SESN3: variants seen among roughly 807,000 people sequenced by gnomAD.
SESN3 encodes the protein sestrin 3.
Under a neutral mutation model 55.3 loss-of-function variants are expected in SESN3, and 21 were observed. The ratio of observed to expected loss-of-function variants is 0.38; its 90% CI spans 0.27 to 0.55. The LOEUF is 0.55. Ranked by LOEUF, SESN3 falls within the 20% of genes least tolerant of loss-of-function variation. The pLI is 0.76. For missense variants in SESN3, 408 were observed against 604.3 expected (o/e 0.68, Z 3.41); for synonymous variants, 181 against 203.1 (o/e 0.89, Z 0.93).
chr11:95,184,333 AT>A, intron 6 of SESN3, 86 bp downstream of exon 6: 4 of 1,078,344 alleles, frequency 3.7e-6, no homozygotes, highest in Non-Finnish European at 2.8e-6. Context: ...TAGCAGAATC[AT>A]TTTTACATAT....
upstream of SESN3, chr11:95,231,693 C>T (rs996809080): frequency 6.6e-6 from 1 of 152,254 alleles, no homozygotes; most frequent in African/African-American, 2.4e-5. Flanking sequence ...AATGTTCCTT[C>T]CTTCAGGGCA....
At chr11:95,193,322 A>G in intron 2 of SESN3, 135 bp downstream of exon 2, 1 of 621,826 alleles carries the variant, frequency 1.6e-6, no homozygotes, top group East Asian at 2.9e-5. Flanking sequence ...AAATATCTCC[A>G]TGGTTTTCTG....
chr11:95,225,612 C>G (rs1270819041), intron 1 of SESN3, among the ~76,000 whole-genome samples: 1 of 152,140 alleles, frequency 6.6e-6, no homozygotes, highest in African/African-American at 2.4e-5. Context: ...AGTTGTATGA[C>G]TGAGACCAGG....
At chr11:95,177,991 CA>C in intron 7 of SESN3, 82 bp from the exon 8 acceptor site, 1 of 965,000 alleles carries the variant, frequency 1.0e-6, no homozygotes, top group Non-Finnish European at 1.5e-6. Flanking sequence ...ACTAATGAAG[CA>C]AGTAAGCGAG....
At position 95,167,732 on chromosome 11, in the gene SESN3, C is replaced by T. The variant is rs1859777240; in HGVS notation, c.*5523G>A. 6.6e-6 allele frequency: 1 copy of T among 152,128 alleles called. No homozygotes were observed. The highest frequency in any genetic ancestry group is 2.4e-5 in the African/African-American group (1 of 41,432). 9.4% of individuals were successfully genotyped at this position (152,128 alleles called of 1,614,324 possible). A position where few individuals can be genotyped will look rare whatever the true frequency, so the allele number is the denominator to read the frequency against. On this transcript the variant is annotated 3_prime_UTR_variant, in exon 10 of 10. Coordinates refer to ENST00000536441, the MANE Select transcript of SESN3 (RefSeq NM_144665.4). Reference sequence around the variant, plus strand: ...CTACAAGAAATAATAATAATCTATACTTTCAAATGGGATGGTTCATCAGGT... The same window carrying T: ...CTACAAGAAATAATAATAATCTATATTTTCAAATGGGATGGTTCATCAGGT...
intron 2 of SESN3, 40 bp from the exon 3 acceptor site, chr11:95,191,641 C>G (rs965868974): frequency 6.7e-7 from 1 of 1,487,604 alleles, no homozygotes; most frequent in African/African-American, 1.4e-5. Context: ...ACTATTGAGA[C>G]ATAAACACAC....
At chr11:95,231,590 A>G (rs1263091633), upstream of SESN3, 1 of 154,500 alleles carries the variant, frequency 6.5e-6, no homozygotes, top group Non-Finnish European at 1.4e-5. Context: ...AGAATGAGAT[A>G]AATAGTTGGG....
chr11:95,185,456 G>A lies in SESN3; in HGVS notation c.562C>T (p.Pro188Ser). 6.2e-7 allele frequency: 1 copy of A among 1,612,626 alleles called. No homozygotes were observed. The highest frequency in any genetic ancestry group is 2.2e-5 in the East Asian group (1 of 44,840). ...AGGACCACAGCATGTACCAGTTCAG[G>A]CAGAGACCAATTATTTTCTCCAGTT... ...VKTGENNWSL[P>S]ELVHAVVLLA... The change falls in exon 5 of 10, where the codon CCT becomes TCT. Residue 188 changes from proline (P) to serine (S), a missense_variant. This residue lies in a region of SESN3 where 107 missense variants were observed against 211.3 expected (regional missense o/e 0.51). Coordinates refer to ENST00000536441, the MANE Select transcript of SESN3 (RefSeq NM_144665.4).
At chr11:95,180,537 T>A (rs10765714) in intron 6 of SESN3, among the ~76,000 whole-genome samples, 43,151 of 152,010 alleles carry the variant, frequency 0.28, 7,011 homozygotes, top group Non-Finnish European at 0.36. Flanking sequence ...GTTTACTGAG[T>A]ACTTACCATA....
intron 1 of SESN3, among the ~76,000 whole-genome samples, chr11:95,220,637 C>T (rs1860840929): frequency 6.6e-6 from 1 of 152,100 alleles, no homozygotes; most frequent in African/African-American, 2.4e-5. Context: ...GAAATCACTC[C>T]TATAAACTCT....
Position 95,185,409 on chromosome 11 carries a change from C to T in SESN3, c.609G>A (p.Leu203=), listed in dbSNP as rs1860145328. The T allele has an allele frequency of 1.2e-6, 2 of 1,613,222 alleles. No homozygotes were observed. Among genetic ancestry groups the T allele is most frequent in the East Asian group, 2.2e-5 (1 of 44,856 alleles). Residue 203 remains leucine (L), a synonymous_variant, in exon 5 of 10, where the codon TTG becomes TTA. Coordinates refer to ENST00000536441, the MANE Select transcript of SESN3 (RefSeq NM_144665.4). ...AVVLLAHYHA[L]ASFVFGSGIN... ...TACCACTACCAAAAACAAAGCTTGCCAAAGCATGATAATGTGCCAGGAGGA... is the reference window on the plus strand; with the variant it reads ...TACCACTACCAAAAACAAAGCTTGCTAAAGCATGATAATGTGCCAGGAGGA...
At chr11:95,224,871 TG>T (rs1021787688) in intron 1 of SESN3, among the ~76,000 whole-genome samples, 2 of 152,068 alleles carry the variant, frequency 1.3e-5, no homozygotes, top group African/African-American at 4.8e-5. Context: ...CAAGTAAAAA[TG>T]GGGTTACATG....
At chr11:95,188,061 G>T (rs1187804126) in intron 4 of SESN3, among the ~76,000 whole-genome samples, 5 of 150,310 alleles carry the variant, frequency 3.3e-5, no homozygotes, top group Admixed American at 3.3e-4. Flanking sequence ...ACTATGACTG[G>T]TCTACTGCTT....
In SESN3 at chr11:95,170,373, G is replaced by A. The variant is rs2134205327; in HGVS notation, c.*2882C>T. On this transcript the variant is annotated 3_prime_UTR_variant, in exon 10 of 10. Coordinates refer to ENST00000536441, the MANE Select transcript of SESN3 (RefSeq NM_144665.4). ...AGCATACACATCAGTGGACTATGAA[G>A]ACTAATTTTAACATAATAAGCAAAG... 1 of 152,256 alleles carries A rather than the reference G, an allele frequency of 6.6e-6. No individual in the cohort carries two copies. The highest frequency in any genetic ancestry group is 1.9e-4 in the East Asian group (1 of 5,180). 9.4% of individuals were successfully genotyped at this position (152,256 alleles called of 1,614,324 possible). A position where few individuals can be genotyped will look rare whatever the true frequency, so the allele number is the denominator to read the frequency against.
Position 95,170,946 on chromosome 11 carries a change from AAAAT to A in SESN3, c.*2305_*2308del. 1 of 152,290 alleles carries A rather than the reference AAAAT, an allele frequency of 6.6e-6. No individual in the cohort carries two copies. Among genetic ancestry groups the A allele is most frequent in the Admixed American group, 6.5e-5 (1 of 15,296 alleles). The allele number at this position is 152,290 out of a possible 1,614,324, so 9.4% of individuals were successfully genotyped here. The stretch of plus-strand genomic sequence containing the variant: ...CCAACTACTTACATTTCCAGGGAAA[AAAAT>A]AAACACAAACTAAGTGGCCATTTTA... On this transcript the variant is annotated 3_prime_UTR_variant, in exon 10 of 10. Coordinates refer to ENST00000536441, the MANE Select transcript of SESN3 (RefSeq NM_144665.4).
chr11:95,184,917 G>C (rs1166348883), intron 5 of SESN3, among the ~76,000 whole-genome samples: 1 of 151,916 alleles, frequency 6.6e-6, no homozygotes, highest in Non-Finnish European at 1.5e-5. Flanking sequence ...ACTTTTTGCT[G>C]TCATAAGGTA....
chr11:95,192,657 A>G (rs1431086226), intron 2 of SESN3, among the ~76,000 whole-genome samples: 1 of 152,102 alleles, frequency 6.6e-6, no homozygotes, highest in Non-Finnish European at 1.5e-5. Flanking sequence ...CAAAGGCACT[A>G]CTAACTTAGG....
At chr11:95,212,203 TATTAA>T (rs1860668621) in intron 1 of SESN3, among the ~76,000 whole-genome samples, 1 of 152,196 alleles carries the variant, frequency 6.6e-6, no homozygotes, top group African/African-American at 2.4e-5. Context: ...TACAGTAATG[TATTAA>T]ATTAACTGAA....
chr11:95,173,502 T>C (rs554138325), intron 9 of SESN3, among the ~76,000 whole-genome samples, 161 bp from the exon 10 acceptor site: 1 of 152,236 alleles, frequency 6.6e-6, no homozygotes, highest in South Asian at 2.1e-4. Context: ...CAAACCTGTG[T>C]CTAATGGCTC....
Sources: gnomAD v4.1 joint callset for allele counts (sites outside exome capture counted in the v4.1 genomes callset) on GRCh38, gnomAD v4.1.1 for gene constraint, gnomAD v4.1.1 regional missense constraint, MANE v1.5 for transcripts, NCBI Gene and HGNC (gene_info 2026-07-23, HGNC 2026-07-21) for gene names.